Variants in TMEM215 observed in about 807,000 individuals in gnomAD.
TMEM215 encodes transmembrane protein 215.
Under a neutral mutation model 14.7 loss-of-function variants are expected in TMEM215, and 12 were observed. The observed-to-expected ratio is 0.82, with a 90% confidence interval of 0.52 to 1.33. The LOEUF is 1.33. Ranked by LOEUF, TMEM215 falls within the 40% of genes most tolerant of loss-of-function variation. The probability of loss-of-function intolerance (pLI) is 0.00; values close to 1 mark genes in which losing one functional copy is unlikely to be tolerated. For missense variants in TMEM215, 276 were observed against 296.2 expected, an observed-to-expected ratio of 0.93 and a Z score of 0.50; for synonymous variants, 122 against 124.8, an observed-to-expected ratio of 0.98 and a Z score of 0.15.
chr9:32,788,554 T>C lies in TMEM215; in HGVS notation c.*3663T>C, dbSNP rs1366355070. Among the ~76,000 whole-genome samples, 5 of 152,266 alleles carry C rather than the reference T, an allele frequency of 3.3e-5. No individual in the cohort carries two copies. Among genetic ancestry groups the C allele is most frequent in the African/African-American group, 1.2e-4 (5 of 41,468 alleles). ...ATTGCTGGCAAGATACTAAGTTTTA[T>C]GGATGATTTTGTATGTTTTTTTCCT... On this transcript the variant is annotated 3_prime_UTR_variant, in exon 2 of 2. Transcript: ENST00000342743.
rs1824491265 is a variant in TMEM215, at chr9:32,785,063, C to T, written c.*172C>T. ...CATGTAAATAGGCATGTTGGGGACA[C>T]ATTTTAGGGAAGGGCGATGAGGGTT... On this transcript the variant is annotated 3_prime_UTR_variant, in exon 2 of 2. Coordinates refer to ENST00000342743, the MANE Select transcript of TMEM215 (RefSeq NM_212558.3). The T allele has an allele frequency of 1.3e-5, 8 of 626,580 alleles. No individual in the cohort carries two copies. In the East Asian group the frequency reaches 2.2e-4, roughly 17 times the overall value. The allele number at this position is 626,580 out of a possible 1,614,324, so 38.8% of individuals were successfully genotyped here.
In TMEM215 at chr9:32,787,175, T is replaced by C. The variant is rs1824516149; in HGVS notation, c.*2284T>C. On this transcript the variant is annotated 3_prime_UTR_variant, in exon 2 of 2. Coordinates refer to ENST00000342743, the MANE Select transcript of TMEM215 (RefSeq NM_212558.3). ...GGTTGGAAAAGTTACTTTTCTGATT[T>C]CTTGGAACCATTTAAAACTCCTTTA... 1 of 166,960 alleles carries C rather than the reference T, an allele frequency of 6.0e-6. No individual in the cohort carries two copies. The highest frequency in any genetic ancestry group is 2.4e-5 in the African/African-American group (1 of 41,444). The allele number at this position is 166,960 out of a possible 1,614,324, so 10.3% of individuals were successfully genotyped here. A position where few individuals can be genotyped will look rare whatever the true frequency, so the allele number is the denominator to read the frequency against.
In TMEM215 at chr9:32,785,032, G is replaced by T. The variant is rs1184155565; in HGVS notation, c.*141G>T. ...ATGGGTGTGATAACCTCTGGTACCCGAGAGTCATGTAAATAGGCATGTTGG... is the reference window on the plus strand; with the variant it reads ...ATGGGTGTGATAACCTCTGGTACCCTAGAGTCATGTAAATAGGCATGTTGG... On this transcript the variant is annotated 3_prime_UTR_variant, in exon 2 of 2. Coordinates refer to ENST00000342743, the MANE Select transcript of TMEM215 (RefSeq NM_212558.3). 6 of 696,872 alleles carry T rather than the reference G, an allele frequency of 8.6e-6. No individual in the cohort carries two copies. Among genetic ancestry groups the T allele is most frequent in the Non-Finnish European group, 1.5e-5 (6 of 408,172 alleles). The allele number at this position is 696,872 out of a possible 1,614,324, so 43.2% of individuals were successfully genotyped here.
rs1563868842 is a variant in TMEM215 at position 32,788,416 on chromosome 9, GA to G, written c.*3527del. Among the ~76,000 whole-genome samples, 1 of 152,074 alleles carries G rather than the reference GA, an allele frequency of 6.6e-6. No individual in the cohort carries two copies. The highest frequency in any genetic ancestry group is 1.5e-5 in the Non-Finnish European group (1 of 68,014). ...AATAGTGTGTTTTTCTTTTCTCTTT[GA>G]ATTATATTCCATGCATGTTTCCATG... is the stretch of plus-strand genomic sequence containing the variant. On this transcript the variant is annotated 3_prime_UTR_variant, in exon 2 of 2. Transcript: ENST00000342743.
rs1250810363 is a variant in TMEM215, at chr9:32,788,769, G to A, written c.*3878G>A. 6.6e-6 allele frequency among the ~76,000 whole-genome samples: 1 copy of A among 152,224 alleles called. No homozygotes were observed. Among genetic ancestry groups the A allele is most frequent in the African/African-American group, 2.4e-5 (1 of 41,460 alleles). ...GACCCAGGGTGGGAAACAAAACGAT[G>A]CTTCTTCCAAAAGATCCTCCCATCA... On this transcript the variant is annotated 3_prime_UTR_variant, in exon 2 of 2. Coordinates refer to ENST00000342743, the MANE Select transcript of TMEM215 (RefSeq NM_212558.3).
Position 32,784,268 on chromosome 9 carries a change from G to A in TMEM215, c.85G>A (p.Val29Ile), listed in dbSNP as rs1314691964. The A allele has an allele frequency of 6.2e-7, 1 of 1,614,190 alleles. No individual in the cohort carries two copies. Among genetic ancestry groups the A allele is most frequent in the Non-Finnish European group, 8.5e-7 (1 of 1,180,028 alleles). Reference sequence around the variant, plus strand: ...CCTCGTCTTTGGTTTCATGTTCACCGTCTCTGGGATGAAAGGGGAGACTTT... The same window carrying A: ...CCTCGTCTTTGGTTTCATGTTCACCATCTCTGGGATGAAAGGGGAGACTTT... ...VFLVFGFMFT[V>I]SGMKGETLGN... Residue 29 changes from valine to isoleucine, a missense_variant, in exon 2 of 2, where the codon GTC becomes ATC. Transcript: ENST00000342743.
rs1316784480 is a variant in TMEM215 at position 32,789,118 on chromosome 9, T to C, written c.*4227T>C. On this transcript the variant is annotated 3_prime_UTR_variant, in exon 2 of 2. Coordinates refer to ENST00000342743, the MANE Select transcript of TMEM215 (RefSeq NM_212558.3). ...AGTTTTCTGTGTTTCAGTTTCCTAC[T>C]GGGAAAAACTAAACTGAGGATGGAA... Among the ~76,000 whole-genome samples the C allele has an allele frequency of 6.6e-6, 1 of 152,220 alleles. No individual in the cohort carries two copies. The highest frequency in any genetic ancestry group is 1.5e-5 in the Non-Finnish European group (1 of 68,026).
chr9:32,789,161 G>T lies in TMEM215; in HGVS notation c.*4270G>T, dbSNP rs1824538669. 6.6e-6 allele frequency among the ~76,000 whole-genome samples: 1 copy of T among 152,148 alleles called. No individual in the cohort carries two copies. Among genetic ancestry groups the T allele is most frequent in the Admixed American group, 6.6e-5 (1 of 15,266 alleles). ...GGATGGAAATGGGGACAAATGCTTGGTTTGCCCAAATATCTTAATAAAAGA... is the reference window on the plus strand; with the variant it reads ...GGATGGAAATGGGGACAAATGCTTGTTTTGCCCAAATATCTTAATAAAAGA... On this transcript the variant is annotated 3_prime_UTR_variant, in exon 2 of 2. Transcript: ENST00000342743.
chr9:32,785,933 T>C lies in TMEM215; in HGVS notation c.*1042T>C, dbSNP rs1824501813. On this transcript the variant is annotated 3_prime_UTR_variant, in exon 2 of 2. Transcript: ENST00000342743. ...CATTTGTTCAACTCCTCTCACAGAC[T>C]GTAAATGCCAGTGAAACAAGAACTC... The C allele has an allele frequency of 6.0e-6, 1 of 167,010 alleles. No individual in the cohort carries two copies. The highest frequency in any genetic ancestry group is 2.4e-5 in the African/African-American group (1 of 41,452). The allele number at this position is 167,010 out of a possible 1,614,324, so 10.3% of individuals were successfully genotyped here.
rs1269508208 is a variant in TMEM215, at chr9:32,784,144, C to T, written c.-40C>T. 3.8e-6 allele frequency: 6 copies of T among 1,562,908 alleles called. No homozygotes were observed. The highest frequency in any genetic ancestry group is 4.4e-6 in the Non-Finnish European group (5 of 1,148,432). ...CTGACAGAATAGAGGAACGCTGCTC[C>T]CTGGTCAGCAAGCAGCCCCCAACCT... On this transcript the variant is annotated 5_prime_UTR_variant, in exon 2 of 2. Transcript: ENST00000342743.
At position 32,784,928 on chromosome 9, in the gene TMEM215, G is replaced by T; in HGVS notation, c.*37G>T. The T allele has an allele frequency of 6.4e-7, 1 of 1,553,600 alleles. No homozygotes were observed. The highest frequency in any genetic ancestry group is 1.2e-5 in the South Asian group (1 of 85,472). On this transcript the variant is annotated 3_prime_UTR_variant, in exon 2 of 2. Transcript: ENST00000342743. ...AAAGGTGGCTGGATTGATAGAATAT[G>T]ACTAAGCCCAGCTCCCCGTGGAAGC...
rs1297535007 is a variant in TMEM215 at position 32,788,634 on chromosome 9, C to T, written c.*3743C>T. Among the ~76,000 whole-genome samples the T allele has an allele frequency of 6.6e-6, 1 of 152,138 alleles. No homozygotes were observed. The highest frequency in any genetic ancestry group is 2.4e-5 in the African/African-American group (1 of 41,424). ...TATATGCCAATAGAGAGGAACTTTA[C>T]TATTGAACAGGTATCTCCTTGTGGA... is the stretch of plus-strand genomic sequence containing the variant. On this transcript the variant is annotated 3_prime_UTR_variant, in exon 2 of 2. Coordinates refer to ENST00000342743, the MANE Select transcript of TMEM215 (RefSeq NM_212558.3).
Position 32,785,467 on chromosome 9 carries a change from T to C in TMEM215, c.*576T>C, listed in dbSNP as rs2118242665. 1 of 167,478 alleles carries C rather than the reference T, an allele frequency of 6.0e-6. No individual in the cohort carries two copies. Among genetic ancestry groups the C allele is most frequent in the African/African-American group, 2.4e-5 (1 of 41,586 alleles). The allele number at this position is 167,478 out of a possible 1,614,324, so 10.4% of individuals were successfully genotyped here. On this transcript the variant is annotated 3_prime_UTR_variant, in exon 2 of 2. Coordinates refer to ENST00000342743, the MANE Select transcript of TMEM215 (RefSeq NM_212558.3). The stretch of plus-strand genomic sequence containing the variant: ...AGGGTAGTTAAAGAGAGTTGGATTA[T>C]GTAACTGAGTCTTGTGGCATTATTG...
rs1824514994 is a variant in TMEM215, at chr9:32,787,050, TAGTG to T, written c.*2162_*2165del. ...TTTGCCACCGTTAGAGATGAGGAGA[TAGTG>T]AGACAGAGAGATGTTCACAGAGACT... On this transcript the variant is annotated 3_prime_UTR_variant, in exon 2 of 2. Coordinates refer to ENST00000342743, the MANE Select transcript of TMEM215 (RefSeq NM_212558.3). 1 of 166,946 alleles carries T rather than the reference TAGTG, an allele frequency of 6.0e-6. No homozygotes were observed. The highest frequency in any genetic ancestry group is 2.4e-5 in the African/African-American group (1 of 41,442). 10.3% of individuals were successfully genotyped at this position (166,946 alleles called of 1,614,324 possible). A position where few individuals can be genotyped will look rare whatever the true frequency, so the allele number is the denominator to read the frequency against.
rs181289228 is a variant in TMEM215 at position 32,787,635 on chromosome 9, A to T, written c.*2744A>T. 2.0e-5 allele frequency among the ~76,000 whole-genome samples: 3 copies of T among 152,240 alleles called. No individual in the cohort carries two copies. In the East Asian group the frequency reaches 5.8e-4, roughly 29 times the overall value. On this transcript the variant is annotated 3_prime_UTR_variant, in exon 2 of 2. Transcript: ENST00000342743. ...AGAGGTAGAAGAGAAAGAGAAAAAA[A>T]GTGTCTCAGCCCTTTAGAGGAAAAG...
rs747610089 is a variant in TMEM215 at position 32,784,668 on chromosome 9, T to C, written c.485T>C (p.Leu162Pro). The change falls in exon 2 of 2, where the codon CTG (leucine) becomes CCG (proline). Residue 162 changes from leucine to proline, a missense_variant. Transcript: ENST00000342743. Reference sequence around the variant, plus strand: ...CATCAGGAGGAGACGTCCAGATACCTGGACGGCTACTGCCCCTCGGGCAGT... The same window carrying C: ...CATCAGGAGGAGACGTCCAGATACCCGGACGGCTACTGCCCCTCGGGCAGT... ...NGHQEETSRY[L>P]DGYCPSGSSL... The C allele has an allele frequency of 6.2e-7, 1 of 1,614,072 alleles. No individual in the cohort carries two copies. Among genetic ancestry groups the C allele is most frequent in the Admixed American group, 1.7e-5 (1 of 60,020 alleles).
intron 1 of TMEM215, 35 bp downstream of exon 1, chr9:32,783,840 T>TGA: frequency 4.2e-6 from 1 of 237,400 alleles, no homozygotes; most frequent in Admixed American, 5.1e-5. Flanking sequence ...CGTGTTGATA[T>TGA]GAGAGAGAGA....
At position 32,786,282 on chromosome 9, in the gene TMEM215, C is replaced by T. The variant is rs1293495041; in HGVS notation, c.*1391C>T. The T allele has an allele frequency of 6.0e-6, 1 of 166,984 alleles. No homozygotes were observed. Among genetic ancestry groups the T allele is most frequent in the Non-Finnish European group, 1.5e-5 (1 of 68,064 alleles). 10.3% of individuals were successfully genotyped at this position (166,984 alleles called of 1,614,324 possible). On this transcript the variant is annotated 3_prime_UTR_variant, in exon 2 of 2. Coordinates refer to ENST00000342743, the MANE Select transcript of TMEM215 (RefSeq NM_212558.3). ...GTGATCATATAGTCTTAGTCACTTT[C>T]TCCCAAAAGGGGAATTGAGGACAAA...
rs758132976 is a variant in TMEM215 at position 32,784,373 on chromosome 9, G to A, written c.190G>A (p.Glu64Lys). Residue 64 changes from glutamate (E) to lysine (K), a missense_variant, in exon 2 of 2, where the codon GAG (glutamate) becomes AAG (lysine). Glu to Lys is a moderately conservative substitution (Grantham distance 56). Transcript: ENST00000342743. ...AGCCATTGCCCTGGCCAGGAAAACCGAGGGATGCACCAAGTGGCCAGAGAA... is the reference window on the plus strand; with the variant it reads ...AGCCATTGCCCTGGCCAGGAAAACCAAGGGATGCACCAAGTGGCCAGAGAA... ...IAAIALARKTEGCTKWPENEL... is the reference protein window; with the variant it reads ...IAAIALARKTKGCTKWPENEL... The A allele has an allele frequency of 1.9e-6, 3 of 1,614,206 alleles. No homozygotes were observed. The highest frequency in any genetic ancestry group is 2.5e-6 in the Non-Finnish European group (3 of 1,180,026).
Sources: gnomAD v4.1 joint callset for allele counts (sites outside exome capture counted in the v4.1 genomes callset) on GRCh38, gnomAD v4.1.1 for gene constraint, MANE v1.5 for transcripts, NCBI Gene and HGNC (gene_info 2026-07-23, HGNC 2026-07-21) for gene names.